PKD1: variants seen among roughly 807,000 people sequenced by gnomAD.
The protein encoded by PKD1 is polycystin-1.
Under a neutral mutation model 361.7 loss-of-function variants are expected in PKD1, and 81 were observed. The observed-to-expected ratio is 0.22, with a 90% CI of 0.19 to 0.27. The LOEUF (loss-of-function observed/expected upper bound fraction) is 0.27. Among genes scored for constraint, PKD1 ranks in the 10% least tolerant of loss-of-function variants. The probability of loss-of-function intolerance (pLI) is 1.00; values close to 1 mark genes in which losing one functional copy is unlikely to be tolerated. For synonymous variants in PKD1, 3,615 were observed against 2,818.3 expected, an observed-to-expected ratio of 1.28 and a Z score of -8.95; for missense variants, 6,399 against 6,118.3, an observed-to-expected ratio of 1.05 and a Z score of -1.53.
chr16:2,092,652 C>T (rs2091650434), intron 38 of PKD1, 60 bp from the exon 39 acceptor site: 6 of 1,213,144 alleles, frequency 4.9e-6, no homozygotes, highest in African/African-American at 1.5e-5. Flanking sequence ...CTCGAGTGAG[C>T]GGCCACCAGA....
At chr16:2,134,070 C>A (rs2092920211) in intron 1 of PKD1, among the ~76,000 whole-genome samples, 1 of 141,512 alleles carries the variant, frequency 7.1e-6, no homozygotes, top group African/African-American at 2.9e-5. Flanking sequence ...GACAGAGGAG[C>A]CCTCAGCTAC....
At chr16:2,129,896 T>C (rs936211031) in intron 1 of PKD1, among the ~76,000 whole-genome samples, 3 of 151,850 alleles carry the variant, frequency 2.0e-5, no homozygotes, top group Admixed American at 1.3e-4. Flanking sequence ...GTGTTCCCTG[T>C]ATGATCTGGA....
rs1309471303 is a variant in PKD1, at chr16:2,102,051, C to T, written c.9397+10G>A. 24 of 1,527,586 alleles carry T rather than the reference C, an allele frequency of 1.6e-5. No individual in the cohort carries two copies. The highest frequency in any genetic ancestry group is 2.4e-5 in the East Asian group (1 of 41,782). 94.6% of individuals were successfully genotyped at this position (1,527,586 alleles called of 1,614,324 possible). A position where few individuals can be genotyped will look rare whatever the true frequency, so the allele number is the denominator to read the frequency against. ...CAGGGGAGGCCCTGCCACCCCGCTG[C>T]GCCCCTCACCTGAGCCCCGGCCCCA... On this transcript the variant is annotated intron_variant, in intron 26 of 45. Coordinates refer to ENST00000262304, the MANE Select transcript of PKD1 (RefSeq NM_001009944.3).
At position 2,088,937 on chromosome 16, in the gene PKD1, G is replaced by T. The variant is rs577103612; in HGVS notation, c.*790C>A. 4.2e-4 allele frequency: 159 copies of T among 377,226 alleles called. No homozygotes were observed. The highest frequency in any genetic ancestry group is 2.3e-3 in the African/African-American group (111 of 48,138). The allele number at this position is 377,226 out of a possible 1,614,324, so 23.4% of individuals were successfully genotyped here. A position where few individuals can be genotyped will look rare whatever the true frequency, so the allele number is the denominator to read the frequency against. On this transcript the variant is annotated 3_prime_UTR_variant, in exon 46 of 46. Transcript: ENST00000262304. ...CACCCTGGGAGCCAGCCCCCAGGAG[G>T]AGTCTTTTCCTCTAACCACCCTGGG...
chr16:2,092,767 C>A (rs2091655727), intron 38 of PKD1, 175 bp from the exon 39 acceptor site: 2 of 841,554 alleles, frequency 2.4e-6, no homozygotes, highest in African/African-American at 1.7e-5. Flanking sequence ...CTGTCATGGG[C>A]CCGTCCTGTG....
At position 2,106,379 on chromosome 16, in the gene PKD1, C is replaced by T. The variant is rs2369087; in HGVS notation, c.7489+19G>A. ...AGTCGGGGGATCCCGCTGCTCCCCC[C>T]ACGCAGGCCTGCACTCACCCGTGCA... On this transcript the variant is annotated intron_variant, in intron 18 of 45. Coordinates refer to ENST00000262304, the MANE Select transcript of PKD1 (RefSeq NM_001009944.3). This position sits in a 1 kb window ranked among gnomAD's most constrained non-coding sequence, Gnocchi z 6.5. The T allele has an allele frequency of 1.0e-4, 162 of 1,593,852 alleles. 3 individuals are homozygous for T. The South Asian group carries it at 1.5e-3, about 15-fold the overall frequency.
At position 2,090,285 on chromosome 16, in the gene PKD1, C is replaced by T; in HGVS notation, c.12444G>A (p.Glu4148=). 6.2e-7 allele frequency: 1 copy of T among 1,609,210 alleles called. No individual in the cohort carries two copies. The highest frequency in any genetic ancestry group is 8.5e-7 in the Non-Finnish European group (1 of 1,177,642). ...RLWMGLSKVK[E]FRHKVRFEGM... ...CTCCCCCCCACTGGGCCGTACCCAC[C>T]TCCTTGACCTTGCTGAGGCCCATCC... Residue 4148 remains glutamate, a splice_region_variant and synonymous_variant, in exon 45 of 46, where the codon GAG becomes GAA. Coordinates refer to ENST00000262304, the MANE Select transcript of PKD1 (RefSeq NM_001009944.3).
intron 34 of PKD1, 72 bp downstream of exon 34, chr16:2,097,076 A>C: frequency 1.0e-6 from 1 of 973,180 alleles, no homozygotes; most frequent in Non-Finnish European, 1.5e-6. Flanking sequence ...CCAGGCGGGA[A>C]CCACGGCTGC....
Position 2,109,108 on chromosome 16 carries a change from A to G in PKD1, c.6059T>C (p.Ile2020Thr). Residue 2020 changes from isoleucine (I) to threonine (T), a missense_variant, in exon 15 of 46, where the codon ATC (isoleucine) becomes ACC (threonine). By Grantham distance (89) the Ile-to-Thr change is moderately conservative. Coordinates refer to ENST00000262304, the MANE Select transcript of PKD1 (RefSeq NM_001009944.3). Reference sequence around the variant, plus strand: ...GTAGGTGACGTCGCGGCCCGACAGGATGACCAGCGAGTCGCCCTGGACCTT... The same window carrying G: ...GTAGGTGACGTCGCGGCCCGACAGGGTGACCAGCGAGTCGCCCTGGACCTT... ...LQKVQGDSLV[I>T]LSGRDVTYTP... The G allele has an allele frequency of 6.2e-7, 1 of 1,602,944 alleles. No homozygotes were observed. Among genetic ancestry groups the G allele is most frequent in the Non-Finnish European group, 8.5e-7 (1 of 1,173,990 alleles).
intron 2 of PKD1, 53 bp downstream of exon 2, chr16:2,119,254 G>A (rs1048705141): frequency 4.4e-5 from 57 of 1,284,034 alleles, no homozygotes; most frequent in African/African-American, 1.2e-4. Context: ...AGGCGGTGCC[G>A]CCAGCCCACC....
chr16:2,114,204 C>G lies in PKD1; in HGVS notation c.2819G>C (p.Ser940Thr). ...EPICGLRATP[S>T]PEARVLQGVL... Reference sequence around the variant, plus strand: ...TCCCTGCAGTACACGGGCCTCGGGGCTGGGCGTGGCGCGGAGGCCACAGAT... The same window carrying G: ...TCCCTGCAGTACACGGGCCTCGGGGGTGGGCGTGGCGCGGAGGCCACAGAT... Residue 940 changes from serine (S) to threonine (T), a missense_variant, in exon 11 of 46, where the codon AGC (serine) becomes ACC (threonine). Ser to Thr is a moderately conservative substitution (Grantham distance 58). Transcript: ENST00000262304. 1.2e-6 allele frequency: 2 copies of G among 1,609,406 alleles called. No homozygotes were observed. Among genetic ancestry groups the G allele is most frequent in the African/African-American group, 1.3e-5 (1 of 74,974 alleles).
At position 2,118,907 on chromosome 16, in the gene PKD1, C is replaced by T. The variant is rs1399000225; in HGVS notation, c.360-62G>A. 1.2e-5 allele frequency: 10 copies of T among 825,826 alleles called. No individual in the cohort carries two copies. Among genetic ancestry groups the T allele is most frequent in the Admixed American group, 4.7e-5 (2 of 42,482 alleles). The allele number at this position is 825,826 out of a possible 1,614,324, so 51.2% of individuals were successfully genotyped here. On this transcript the variant is annotated intron_variant, in intron 3 of 45. Coordinates refer to ENST00000262304, the MANE Select transcript of PKD1 (RefSeq NM_001009944.3). The surrounding 1 kb of genome is among the most constrained non-coding windows in gnomAD (Gnocchi z 6.0). ...GTGGGAAGGGTCTATGCCAGCCCCC[C>T]ACTGGCAACCAGGCCCTGGAGCCAC... is the stretch of plus-strand genomic sequence containing the variant.
At chr16:2,123,065 G>A (rs2092747321) in intron 1 of PKD1, among the ~76,000 whole-genome samples, 1 of 152,198 alleles carries the variant, frequency 6.6e-6, no homozygotes. Context: ...GAGCCCCCCG[G>A]CTCCCCGCCC....
At chr16:2,105,804 C>A in intron 20 of PKD1, 61 bp downstream of exon 20, 2 of 1,525,028 alleles carry the variant, frequency 1.3e-6, no homozygotes, top group Non-Finnish European at 1.8e-6. Context: ...GGCAGGGGTA[C>A]AGGTCTTGGT....
intron 1 of PKD1, among the ~76,000 whole-genome samples, chr16:2,124,863 A>C (rs2151838791): frequency 6.6e-6 from 1 of 152,284 alleles, no homozygotes. Context: ...CAGGGGCAGG[A>C]CAGGACGCCA....
Position 2,105,307 on chromosome 16 carries a change from G to A in PKD1, c.8016+15C>T, listed in dbSNP as rs1169292997. The A allele has an allele frequency of 4.4e-6, 7 of 1,593,892 alleles. No individual in the cohort carries two copies. The highest frequency in any genetic ancestry group is 2.7e-5 in the African/African-American group (2 of 74,500). ...CAGGCATGCGGGGCAGGGTGAGCAG[G>A]TGGGGCCATCCTACCATGCACTGGG... On this transcript the variant is annotated intron_variant, in intron 21 of 45. Transcript: ENST00000262304.
intron 1 of PKD1, among the ~76,000 whole-genome samples, chr16:2,121,145 C>T (rs1489866457): frequency 6.6e-6 from 1 of 152,084 alleles, no homozygotes; most frequent in African/African-American, 2.4e-5. Flanking sequence ...GCGGGCGCAT[C>T]ACCTGAGGTC....
Position 2,111,294 on chromosome 16 carries a change from G to A in PKD1, c.3873C>T (p.Val1291=). ...CAACGCGCAGCACCTCCAGGACGAA[G>A]ACCAGCACGTGCAGGCTCCGGGCCA... The part of the protein sequence containing the change: ...GHLARSLHVL[V]FVLEVLRVEP... The change falls in exon 15 of 46, where the codon GTC becomes GTT. Residue 1291 remains valine (V), a synonymous_variant. Coordinates refer to ENST00000262304, the MANE Select transcript of PKD1 (RefSeq NM_001009944.3). 2 of 1,609,454 alleles carry A rather than the reference G, an allele frequency of 1.2e-6. No homozygotes were observed. Among genetic ancestry groups the A allele is most frequent in the South Asian group, 2.2e-5 (2 of 90,976 alleles).
In PKD1 at chr16:2,094,022, GCA is replaced by G; in HGVS notation, c.10619-11_10619-10del. Reference sequence around the variant, plus strand: ...CAGACCCTCCACCAGTCCTGGGGAAGCAGAGACAGACCTGTGAGAGGCAGCTC... The same window carrying G: ...CAGACCCTCCACCAGTCCTGGGGAAGGAGACAGACCTGTGAGAGGCAGCTC... On this transcript the variant is annotated splice_polypyrimidine_tract_variant and intron_variant, in intron 35 of 45. Coordinates refer to ENST00000262304, the MANE Select transcript of PKD1 (RefSeq NM_001009944.3). The G allele has an allele frequency of 6.3e-7, 1 of 1,590,600 alleles. No homozygotes were observed. The highest frequency in any genetic ancestry group is 1.1e-5 in the South Asian group (1 of 88,112).
Sources: gnomAD v4.1 joint callset for allele counts (sites outside exome capture counted in the v4.1 genomes callset) on GRCh38, gnomAD v4.1.1 for gene constraint, Gnocchi (gnomAD v3.1) non-coding constraint, MANE v1.5 for transcripts, NCBI Gene and HGNC (gene_info 2026-07-23, HGNC 2026-07-21) for gene names.